The following EXT2 variants were observed in gnomAD, a reference collection of about 807,000 sequenced individuals.
EXT2 encodes the protein exostosin glycosyltransferase 2, also known as exostosin-2.
Under a neutral mutation model 81.6 loss-of-function variants are expected in EXT2, and 53 were observed. That is an observed-to-expected ratio of 0.65 (90% CI 0.52 to 0.82). The LOEUF is 0.82. EXT2 is among the 40% of genes least tolerant of loss of function. EXT2 has a pLI of 0.00. For missense variants in EXT2, 774 were observed against 910.2 expected, an observed-to-expected ratio of 0.85 and a Z score of 1.93; for synonymous variants, 320 against 340.0, an observed-to-expected ratio of 0.94 and a Z score of 0.65.
At chr11:44,146,430 C>T (rs1954718363) in intron 7 of EXT2, among the ~76,000 whole-genome samples, 1 of 152,186 alleles carries the variant, frequency 6.6e-6, no homozygotes, top group Non-Finnish European at 1.5e-5. Flanking sequence ...TGGAGTGCAC[C>T]TCTGTGGTGT....
chr11:44,102,595 G>C lies in EXT2; in HGVS notation c.-30-5088G>C, dbSNP rs530490617. Among the ~76,000 whole-genome samples, 4 of 146,766 alleles carry C rather than the reference G, an allele frequency of 2.7e-5. No individual in the cohort carries two copies. In the East Asian group the frequency reaches 8.0e-4, roughly 30 times the overall value. On this transcript the variant is annotated intron_variant, in intron 1 of 13. Coordinates refer to ENST00000533608, the MANE Select transcript of EXT2 (RefSeq NM_207122.2). ...GTATGAGGGGAGTCAAACTATGACA[G>C]GTAGCAAGCAAAATATGATACTTAA... is the stretch of plus-strand genomic sequence containing the variant.
intron 8 of EXT2, among the ~76,000 whole-genome samples, chr11:44,180,809 A>G (rs2135148077): frequency 6.6e-6 from 1 of 152,308 alleles, no homozygotes; most frequent in East Asian, 1.9e-4. Context: ...TACATGTCCT[A>G]AAGTTATTCT....
chr11:44,116,883 T>C (rs1287945615), intron 4 of EXT2: 3 of 152,234 alleles, frequency 2.0e-5, no homozygotes, highest in African/African-American at 7.2e-5. Context: ...GCTATAAGAA[T>C]TCTTTATCTA....
At chr11:44,222,290 C>G (rs927058337) in intron 10 of EXT2, among the ~76,000 whole-genome samples, 6 of 152,148 alleles carry the variant, frequency 3.9e-5, no homozygotes, top group Non-Finnish European at 7.4e-5. Context: ...TAAATATATC[C>G]ACAGCAGAGA....
intron 9 of EXT2, among the ~76,000 whole-genome samples, chr11:44,200,439 T>G (rs1370484787): frequency 6.6e-6 from 1 of 152,172 alleles, no homozygotes; most frequent in African/African-American, 2.4e-5. Flanking sequence ...TTTCATCACA[T>G]TGATTTTGAG....
rs756244678 is a variant in EXT2, at chr11:44,245,017, A to G, written c.*730A>G. The G allele has an allele frequency of 4.3e-6, 1 of 232,404 alleles. No individual in the cohort carries two copies. The highest frequency in any genetic ancestry group is 5.6e-5 in the Admixed American group (1 of 17,780). 14.4% of individuals were successfully genotyped at this position (232,404 alleles called of 1,614,324 possible). A position where few individuals can be genotyped will look rare whatever the true frequency, so the allele number is the denominator to read the frequency against. On this transcript the variant is annotated 3_prime_UTR_variant, in exon 14 of 14. Coordinates refer to ENST00000533608, the MANE Select transcript of EXT2 (RefSeq NM_207122.2). ...TATTTAACTCCGTCTTTGGCCTGAC[A>G]ACAGTCTTCTGCCCATGTCTGGGAA...
intron 12 of EXT2, among the ~76,000 whole-genome samples, chr11:44,235,149 A>T (rs1243738553): frequency 6.6e-6 from 1 of 151,856 alleles, no homozygotes; most frequent in African/African-American, 2.4e-5. Flanking sequence ...CTCAGTGAAC[A>T]GCTGACCACA....
rs552375053 is a variant in EXT2 at position 44,148,796 on chromosome 11, G to C, written c.1173+18658G>C. Among the ~76,000 whole-genome samples the C allele has an allele frequency of 2.0e-5, 3 of 152,288 alleles. No homozygotes were observed. The East Asian group carries it at 5.8e-4, about 29-fold the overall frequency. ...AGCTACATTCCTCTGGTGGGAACAG[G>C]TGTTAGATGATGCTGATAGTGATGA... On this transcript the variant is annotated intron_variant, in intron 7 of 13. Coordinates refer to ENST00000533608, the MANE Select transcript of EXT2 (RefSeq NM_207122.2).
intron 11 of EXT2, 120 bp from the exon 12 acceptor site, chr11:44,233,995 C>A (rs1955928706): frequency 2.2e-6 from 3 of 1,390,438 alleles, no homozygotes; most frequent in African/African-American, 1.4e-5. Context: ...ATTAATACAG[C>A]CTTGTGATTA....
chr11:44,121,409 A>G (rs1954314679), intron 4 of EXT2, among the ~76,000 whole-genome samples: 1 of 152,322 alleles, frequency 6.6e-6, no homozygotes, highest in South Asian at 2.1e-4. Context: ...CCATGCATTC[A>G]TCTCAGTATC....
intron 8 of EXT2, among the ~76,000 whole-genome samples, chr11:44,196,545 G>A (rs1159019470): frequency 6.6e-6 from 1 of 152,010 alleles, no homozygotes; most frequent in Non-Finnish European, 1.5e-5. Context: ...TCACCAGTCT[G>A]GAATATTTTG....
At chr11:44,147,265 G>A (rs1334245771) in intron 7 of EXT2, among the ~76,000 whole-genome samples, 1 of 152,148 alleles carries the variant, frequency 6.6e-6, no homozygotes, top group East Asian at 1.9e-4. Context: ...TAGAATTGTA[G>A]TCTCCTTGGC....
intron 7 of EXT2, among the ~76,000 whole-genome samples, chr11:44,167,281 A>G (rs1230157534): frequency 6.6e-6 from 1 of 152,228 alleles, no homozygotes; most frequent in Non-Finnish European, 1.5e-5. Context: ...CCTAAGGTAC[A>G]CATGATCAGA....
intron 10 of EXT2, among the ~76,000 whole-genome samples, chr11:44,217,105 AAC>A (rs1392291939): frequency 6.6e-6 from 1 of 151,418 alleles, no homozygotes; most frequent in African/African-American, 2.4e-5. Context: ...GTTTAAAAGA[AAC>A]ACAGTGTCAG....
chr11:44,174,160 ACTGATATCTTTGTCGAGTTTTCT>A (rs1955122093), intron 8 of EXT2, among the ~76,000 whole-genome samples: 1 of 152,170 alleles, frequency 6.6e-6, no homozygotes, highest in Non-Finnish European at 1.5e-5. Context: ...CAAGGGAAAG[ACTGATATCTTTGTCGAGTTTTCT>A]CAGATAATTC....
At chr11:44,217,473 G>C (rs1183760604) in intron 10 of EXT2, among the ~76,000 whole-genome samples, 1 of 152,202 alleles carries the variant, frequency 6.6e-6, no homozygotes, top group Admixed American at 6.5e-5. Context: ...GAAATCAGGA[G>C]CTAGGAATGA....
At chr11:44,158,242 C>T (rs1449966288) in intron 7 of EXT2, among the ~76,000 whole-genome samples, 1 of 152,202 alleles carries the variant, frequency 6.6e-6, no homozygotes, top group Non-Finnish European at 1.5e-5. Context: ...AGGCCACATG[C>T]ACCCCGAGTC....
Position 44,250,446 on chromosome 11 carries a change from T to C in EXT2, c.*6159T>C, listed in dbSNP as rs1956129389. ...TGATGTATCATATCTCTTCCCCTTT[T>C]ATTAACCAGATCGTTTACCAGATTG... On this transcript the variant is annotated 3_prime_UTR_variant, in exon 14 of 14. Transcript: ENST00000533608. 1.3e-5 allele frequency among the ~76,000 whole-genome samples: 2 copies of C among 152,202 alleles called. No individual in the cohort carries two copies.
rs988566760 is a variant in EXT2, at chr11:44,109,116, T to G, written c.537-78T>G. 17 of 1,500,210 alleles carry G rather than the reference T, an allele frequency of 1.1e-5. No homozygotes were observed. The African/African-American group carries it at 2.3e-4, about 21-fold the overall frequency. 92.9% of individuals were successfully genotyped at this position (1,500,210 alleles called of 1,614,324 possible). A position where few individuals can be genotyped will look rare whatever the true frequency, so the allele number is the denominator to read the frequency against. On this transcript the variant is annotated intron_variant, in intron 2 of 13. Coordinates refer to ENST00000533608, the MANE Select transcript of EXT2 (RefSeq NM_207122.2). ...CCTATTTGGGCTTGGGGATCCTTGA[T>G]AGTTGTTGTCTAGTAACTGACTCTT...
Sources: gnomAD v4.1 joint callset for allele counts (sites outside exome capture counted in the v4.1 genomes callset) on GRCh38, gnomAD v4.1.1 for gene constraint, MANE v1.5 for transcripts, NCBI Gene and HGNC (gene_info 2026-07-23, HGNC 2026-07-21) for gene names.